The following SLC9C1 variants were observed in gnomAD, a reference collection of about 807,000 sequenced individuals.
SLC9C1 encodes solute carrier family 9 member C1.
SLC9C1 carries 97 observed loss-of-function variants against 140.9 expected under a neutral mutation model. That is an observed-to-expected ratio of 0.69 (90% CI 0.58 to 0.82). SLC9C1 has a LOEUF of 0.82. SLC9C1 is among the 40% of genes least tolerant of loss of function. SLC9C1 has a pLI of 0.00. For missense variants in SLC9C1, 1,340 were observed against 1,389.3 expected, an observed-to-expected ratio of 0.96 and a Z score of 0.56; for synonymous variants, 440 against 442.6, an observed-to-expected ratio of 0.99 and a Z score of 0.07.
At chr3:112,162,708 T>C (rs979148703) in intron 26 of SLC9C1, among the ~76,000 whole-genome samples, 2 of 151,742 alleles carry the variant, frequency 1.3e-5, no homozygotes, top group East Asian at 1.9e-4. Flanking sequence ...TCAATGTTCA[T>C]CAAGGATATT....
intron 2 of SLC9C1, among the ~76,000 whole-genome samples, chr3:112,285,483 T>A (rs995650838): frequency 2.0e-5 from 3 of 152,208 alleles, no homozygotes; most frequent in African/African-American, 7.2e-5. Context: ...TCAAGCAATC[T>A]GCCCACCTTG....
intron 10 of SLC9C1, among the ~76,000 whole-genome samples, chr3:112,259,542 A>T (rs549295015): frequency 6.6e-6 from 1 of 152,178 alleles, no homozygotes; most frequent in South Asian, 2.1e-4. Context: ...GCCAAATACC[A>T]TGTATCACAC....
chr3:112,270,474 C>T (rs554449370), intron 6 of SLC9C1, among the ~76,000 whole-genome samples: 2 of 152,306 alleles, frequency 1.3e-5, no homozygotes, highest in East Asian at 3.9e-4. Flanking sequence ...TTTTCATTTG[C>T]ATTTCCCTAA....
chr3:112,188,989 G>T (rs1418838827), intron 20 of SLC9C1, among the ~76,000 whole-genome samples: 1 of 152,196 alleles, frequency 6.6e-6, no homozygotes, highest in Non-Finnish European at 1.5e-5. Flanking sequence ...GACTAGTGAT[G>T]ATGAGCATTT....
At chr3:112,194,887 A>G (rs374169090) in intron 20 of SLC9C1, among the ~76,000 whole-genome samples, 69 of 152,182 alleles carry the variant, frequency 4.5e-4, no homozygotes, top group African/African-American at 1.6e-3. Context: ...ATAATGATGA[A>G]TGATGTCAAA....
intron 12 of SLC9C1, among the ~76,000 whole-genome samples, chr3:112,233,902 C>T (rs1244814603): frequency 6.6e-6 from 1 of 152,070 alleles, no homozygotes; most frequent in African/African-American, 2.4e-5. Context: ...TGGGTTGGTT[C>T]CAAGTCTTTG....
intron 1 of SLC9C1, among the ~76,000 whole-genome samples, chr3:112,287,115 T>C (rs1484537756): frequency 6.6e-6 from 1 of 152,174 alleles, no homozygotes; most frequent in Non-Finnish European, 1.5e-5. Context: ...TACGCACTTG[T>C]TACCCACTCT....
At chr3:112,244,175 A>T in intron 10 of SLC9C1, 99 bp from the exon 11 acceptor site, 1 of 726,852 alleles carries the variant, frequency 1.4e-6, no homozygotes. Context: ...AATATAAATT[A>T]AGCTAGGTTG....
At chr3:112,278,617 T>C in intron 4 of SLC9C1, 112 bp downstream of exon 4, 1 of 1,172,052 alleles carries the variant, frequency 8.5e-7, no homozygotes, top group Non-Finnish European at 1.2e-6. Flanking sequence ...ATTACTCCCA[T>C]ACCCTTTTCT....
intron 1 of SLC9C1, among the ~76,000 whole-genome samples, chr3:112,293,130 A>T (rs1226556978): frequency 7.1e-6 from 1 of 141,742 alleles, no homozygotes. Flanking sequence ...AAAAAAAAAA[A>T]ATTAGCCAGG....
intron 14 of SLC9C1, among the ~76,000 whole-genome samples, chr3:112,218,526 G>A (rs927909233): frequency 5.3e-5 from 8 of 151,834 alleles, no homozygotes; most frequent in African/African-American, 1.9e-4. Context: ...TATAATATGC[G>A]GTAAATAAAT....
intron 10 of SLC9C1, among the ~76,000 whole-genome samples, chr3:112,251,091 TG>T (rs1329424665): frequency 2.6e-5 from 4 of 152,140 alleles, no homozygotes; most frequent in African/African-American, 9.7e-5. Context: ...CTGACCAAGA[TG>T]GCTGGCTAGA....
intron 1 of SLC9C1, 100 bp downstream of exon 1, chr3:112,293,993 A>T (rs4622877): frequency 0.79 from 120,214 of 151,922 alleles, 47,926 homozygotes; most frequent in East Asian, 1. Flanking sequence ...GCAGGAAAAC[A>T]GTGGGAGCCT....
At chr3:112,200,257 G>A (rs1466119506) in intron 19 of SLC9C1, among the ~76,000 whole-genome samples, 2 of 152,086 alleles carry the variant, frequency 1.3e-5, no homozygotes, top group East Asian at 3.9e-4. Flanking sequence ...TTGACACTGG[G>A]CCTCCCAGCA....
chr3:112,210,911 G>A (rs2078184793), intron 15 of SLC9C1, among the ~76,000 whole-genome samples: 1 of 151,952 alleles, frequency 6.6e-6, no homozygotes, highest in Non-Finnish European at 1.5e-5. Flanking sequence ...TGCAGCTAAG[G>A]TTTATAGTGG....
At chr3:112,160,433 C>A (rs1462755494) in intron 26 of SLC9C1, among the ~76,000 whole-genome samples, 1 of 134,746 alleles carries the variant, frequency 7.4e-6, no homozygotes, top group African/African-American at 2.7e-5. Context: ...CCCCCACCCA[C>A]AACAGTCCCC....
intron 12 of SLC9C1, among the ~76,000 whole-genome samples, chr3:112,238,418 T>A (rs987699067): frequency 4.6e-5 from 7 of 152,184 alleles, no homozygotes; most frequent in African/African-American, 1.7e-4. Context: ...TCCTTTAGCT[T>A]GGAGATGTTT....
chr3:112,231,404 T>C lies in SLC9C1; in HGVS notation c.1529A>G (p.Glu510Gly). 1 of 1,613,432 alleles carries C rather than the reference T, an allele frequency of 6.2e-7. No homozygotes were observed. Among genetic ancestry groups the C allele is most frequent in the Middle Eastern group, 1.7e-4 (1 of 6,058 alleles). Residue 510 changes from glutamate (E) to glycine (G), a missense_variant, in exon 13 of 29, where the codon GAA becomes GGA. Transcript: ENST00000305815. ...NKEIDEIFNT[E>G]AMELANRRLL... The stretch of plus-strand genomic sequence containing the variant: ...ACGCCTGTTGGCCAGCTCCATTGCT[T>C]CAGTGTTAAAGATCTCATCTATTTC...
chr3:112,168,643 G>A (rs1008966340), intron 25 of SLC9C1, among the ~76,000 whole-genome samples: 5 of 152,176 alleles, frequency 3.3e-5, no homozygotes, highest in Non-Finnish European at 7.3e-5. Context: ...CATAGGCATT[G>A]GATGGGAATA....
Sources: gnomAD v4.1 joint callset for allele counts (sites outside exome capture counted in the v4.1 genomes callset) on GRCh38, gnomAD v4.1.1 for gene constraint, MANE v1.5 for transcripts, NCBI Gene and HGNC (gene_info 2026-07-23, HGNC 2026-07-21) for gene names.